N4BP2: variants seen among roughly 807,000 people sequenced by gnomAD.
N4BP2 encodes the protein NEDD4-binding protein 2.
In N4BP2, 91 loss-of-function variants were observed where a neutral mutation model predicts 152.8. The ratio of observed to expected loss-of-function variants is 0.60; its 90% confidence interval spans 0.50 to 0.71. The LOEUF (loss-of-function observed/expected upper bound fraction) is 0.71, where lower values mean the gene tolerates loss of function less well. N4BP2 is among the 30% of genes least tolerant of loss of function. The pLI is 0.00. For missense variants in N4BP2, 1,923 were observed against 2,059.1 expected (o/e 0.93, Z 1.28); for synonymous variants, 646 against 705.3 (o/e 0.92, Z 1.33).
intron 4 of N4BP2, among the ~76,000 whole-genome samples, chr4:40,105,761 G>C (rs1716212743): frequency 6.6e-6 from 1 of 151,932 alleles, no homozygotes; most frequent in Admixed American, 6.6e-5. Flanking sequence ...AGCTTGCCCA[G>C]GCTCATCTCA....
chr4:40,072,863 A>G (rs1712349295), intron 1 of N4BP2, among the ~76,000 whole-genome samples: 2 of 151,474 alleles, frequency 1.3e-5, no homozygotes, highest in African/African-American at 2.4e-5. Context: ...AGCTGGGATT[A>G]CAGGTGTGCA....
intron 2 of N4BP2, among the ~76,000 whole-genome samples, 172 bp downstream of exon 2, chr4:40,073,723 A>G (rs1712445105): frequency 6.6e-6 from 1 of 151,964 alleles, no homozygotes; most frequent in Admixed American, 6.6e-5. Flanking sequence ...CCTCCCGAGT[A>G]GCTGGGACTA....
At chr4:40,060,154 T>C (rs1733544459) in intron 1 of N4BP2, among the ~76,000 whole-genome samples, 1 of 151,318 alleles carries the variant, frequency 6.6e-6, no homozygotes, top group African/African-American at 2.4e-5. Flanking sequence ...GTATTTTACT[T>C]TCTTACCTAT....
chr4:40,120,678 G>A lies in N4BP2; in HGVS notation c.2567G>A (p.Cys856Tyr). ...GTAGAGGATGGCAGAAAGTCACAGT[G>A]TGATGATGCTTCAGAGCCACTCAAT... ...ESVEDGRKSQ[C>Y]DDASEPLNSY... The change falls in exon 9 of 18, where the codon TGT becomes TAT. Residue 856 changes from cysteine to tyrosine, a missense_variant. Coordinates refer to ENST00000261435, the MANE Select transcript of N4BP2 (RefSeq NM_018177.6). 1 of 1,614,102 alleles carries A rather than the reference G, an allele frequency of 6.2e-7. No homozygotes were observed. The highest frequency in any genetic ancestry group is 8.5e-7 in the Non-Finnish European group (1 of 1,180,002).
chr4:40,154,454 T>A lies in N4BP2; in HGVS notation c.*217T>A. On this transcript the variant is annotated 3_prime_UTR_variant, in exon 18 of 18. Coordinates refer to ENST00000261435, the MANE Select transcript of N4BP2 (RefSeq NM_018177.6). Reference sequence around the variant, plus strand: ...CCTGTTAAAGATATTACAGAGAAATTTTATTGATTACAAAATATGTAAGAA... The same window carrying A: ...CCTGTTAAAGATATTACAGAGAAATATTATTGATTACAAAATATGTAAGAA... 2.3e-6 allele frequency: 1 copy of A among 428,682 alleles called. No individual in the cohort carries two copies. Among genetic ancestry groups the A allele is most frequent in the South Asian group, 3.9e-5 (1 of 25,512 alleles). 26.6% of individuals were successfully genotyped at this position (428,682 alleles called of 1,614,324 possible). A position where few individuals can be genotyped will look rare whatever the true frequency, so the allele number is the denominator to read the frequency against.
rs762353276 is a variant in N4BP2 at position 40,102,024 on chromosome 4, G to A, written c.230-51G>A. On this transcript the variant is annotated intron_variant, in intron 3 of 17. Coordinates refer to ENST00000261435, the MANE Select transcript of N4BP2 (RefSeq NM_018177.6). ...GGATTTTAATAAAATTATTAAATCT[G>A]TTTTCTCTGTCTATATTTTTGTTGT... 3.0e-5 allele frequency: 34 copies of A among 1,128,930 alleles called. 1 individual carries two copies. The South Asian group carries it at 6.0e-4, about 20-fold the overall frequency. 69.9% of individuals were successfully genotyped at this position (1,128,930 alleles called of 1,614,324 possible). A position where few individuals can be genotyped will look rare whatever the true frequency, so the allele number is the denominator to read the frequency against.
At chr4:40,158,492 A>G (rs766669111), downstream of N4BP2, among the ~76,000 whole-genome samples, 37 of 152,160 alleles carry the variant, frequency 2.4e-4, no homozygotes, top group Non-Finnish European at 4.4e-4. Context: ...ACTGATATCA[A>G]AATTAAGAAT....
chr4:40,138,614 T>C (rs1475879698), intron 14 of N4BP2, among the ~76,000 whole-genome samples: 2 of 152,250 alleles, frequency 1.3e-5, no homozygotes, highest in African/African-American at 2.4e-5. Context: ...GTTGATTCTT[T>C]CGCATGTGGA....
At chr4:40,145,020 T>A (rs1337876763) in intron 16 of N4BP2, among the ~76,000 whole-genome samples, 1 of 152,218 alleles carries the variant, frequency 6.6e-6, no homozygotes, top group Non-Finnish European at 1.5e-5. Context: ...GTGCTGTATT[T>A]ATTAACGGGA....
At chr4:40,100,421 G>GTAATC (rs200320565) in intron 3 of N4BP2, among the ~76,000 whole-genome samples, 3,086 of 150,824 alleles carry the variant, frequency 0.02, 114 homozygotes, top group African/African-American at 0.07. Flanking sequence ...CAGTCGCCCA[G>GTAATC]GCTGGAGCGC....
chr4:40,092,012 A>T (rs1223045773), intron 2 of N4BP2, among the ~76,000 whole-genome samples: 3 of 51,490 alleles, frequency 5.8e-5, no homozygotes, highest in South Asian at 7.7e-4. Flanking sequence ...AAAAAATTAT[A>T]TATATATATA....
intron 15 of N4BP2, among the ~76,000 whole-genome samples, chr4:40,143,727 G>A (rs917144938): frequency 6.6e-6 from 1 of 152,112 alleles, no homozygotes; most frequent in African/African-American, 2.4e-5. Flanking sequence ...GATAGCTTCT[G>A]GGGTAGGTAA....
rs750614915 is a variant in N4BP2 at position 40,102,592 on chromosome 4, A to C, written c.747A>C (p.Leu249Phe). ...AAGATTCTCTTCTCAGTAGTTCTTTAAATGTAGCAAGTGACTCCATCGCAG... is the reference window on the plus strand; with the variant it reads ...AAGATTCTCTTCTCAGTAGTTCTTTCAATGTAGCAAGTGACTCCATCGCAG... Reference protein sequence around the residue: ...YPEDSLLSSSLNVASDSIAGC... With the variant: ...YPEDSLLSSSFNVASDSIAGC... Residue 249 changes from leucine (L) to phenylalanine (F), a missense_variant, in exon 4 of 18, where the codon TTA becomes TTC. By Grantham distance (22) the Leu-to-Phe change is conservative (BLOSUM62 0). Transcript: ENST00000261435. 1 of 1,614,222 alleles carries C rather than the reference A, an allele frequency of 6.2e-7. No individual in the cohort carries two copies. Among genetic ancestry groups the C allele is most frequent in the East Asian group, 2.2e-5 (1 of 44,894 alleles).
intron 2 of N4BP2, among the ~76,000 whole-genome samples, chr4:40,092,008 T>TTATATATATACATATATA (rs1714622244): frequency 3.7e-5 from 1 of 27,202 alleles, no homozygotes; most frequent in Non-Finnish European, 5.9e-5. Flanking sequence ...AAAAAAAAAA[T>TTATATATATACATATATA]TATATATATA....
intron 3 of N4BP2, among the ~76,000 whole-genome samples, chr4:40,101,040 G>A (rs776551945): frequency 1.3e-5 from 2 of 152,086 alleles, no homozygotes. Context: ...TCTTGTGTCT[G>A]GCAAGTTACT....
rs568077612 is a variant in N4BP2 at position 40,122,214 on chromosome 4, C to G, written c.4103C>G (p.Ala1368Gly). Residue 1368 changes from alanine (A) to glycine (G), a missense_variant, in exon 9 of 18, where the codon GCC becomes GGC. Coordinates refer to ENST00000261435, the MANE Select transcript of N4BP2 (RefSeq NM_018177.6). Reference protein sequence around the residue: ...TEILNPTPAMAKSLTIDCLEL... With the variant: ...TEILNPTPAMGKSLTIDCLEL... ...ATATTGAATCCCACTCCAGCGATGG[C>G]CAAATCTCTGACCATAGACTGTCTG... 8 of 1,613,678 alleles carry G rather than the reference C, an allele frequency of 5.0e-6. No homozygotes were observed. The African/African-American group carries it at 9.3e-5, about 19-fold the overall frequency.
chr4:40,075,997 T>A (rs1371944771), intron 2 of N4BP2, among the ~76,000 whole-genome samples: 1 of 152,112 alleles, frequency 6.6e-6, no homozygotes, highest in Non-Finnish European at 1.5e-5. Flanking sequence ...TAGCTAATTT[T>A]AAATTTTTCA....
intron 14 of N4BP2, among the ~76,000 whole-genome samples, chr4:40,140,162 G>A (rs1719786445): frequency 6.6e-6 from 1 of 151,952 alleles, no homozygotes; most frequent in Admixed American, 6.5e-5. Flanking sequence ...GACCACTCAG[G>A]GGTAAATTAA....
the N4BP2 span, among the ~76,000 whole-genome samples, chr4:40,170,973 G>A: frequency 6.6e-6 from 1 of 152,304 alleles, no homozygotes; most frequent in Admixed American, 6.5e-5. Flanking sequence ...TTATGATTGA[G>A]AGATTTATTT....
Sources: allele counts gnomAD v4.1 joint callset (sites outside exome capture counted in the v4.1 genomes callset), GRCh38; gene constraint gnomAD v4.1.1; transcripts MANE v1.5; gene names NCBI Gene and HGNC (gene_info 2026-07-23, HGNC 2026-07-21).